DLEC1: variants seen among roughly 807,000 people sequenced by gnomAD.
DLEC1 encodes deleted in lung and esophageal cancer protein 1.
Under a neutral mutation model 198.1 loss-of-function variants are expected in DLEC1, and 146 were observed. The observed-to-expected ratio is 0.74, with a 90% CI of 0.64 to 0.85. DLEC1 has a LOEUF of 0.85. DLEC1 is among the 40% of genes least tolerant of loss of function. DLEC1 has a pLI of 0.00. For missense variants in DLEC1, 2,233 were observed against 2,220.0 expected (o/e 1.01, Z -0.12); for synonymous variants, 897 against 866.8 (o/e 1.03, Z -0.61).
At chr3:38,074,240 T>C (rs577461519) in intron 6 of DLEC1, among the ~76,000 whole-genome samples, 4 of 152,366 alleles carry the variant, frequency 2.6e-5, no homozygotes, top group Non-Finnish European at 4.4e-5. Context: ...AGGCAAGTAA[T>C]TGTAACTCAG....
At chr3:38,052,230 G>A in intron 2 of DLEC1, 1 of 471,000 alleles carries the variant, frequency 2.1e-6, no homozygotes, top group Non-Finnish European at 4.3e-6. Flanking sequence ...GCCATAGTGG[G>A]CAGTACCTGA....
At chr3:38,115,910 TG>T (rs1014518127) in intron 27 of DLEC1, among the ~76,000 whole-genome samples, 15 of 152,022 alleles carry the variant, frequency 9.9e-5, no homozygotes, top group Non-Finnish European at 1.8e-4. Flanking sequence ...TCTGTTCAGC[TG>T]GGGGACTTCC....
chr3:38,115,202 G>A (rs1700092322), intron 27 of DLEC1, 149 bp downstream of exon 27: 1 of 722,428 alleles, frequency 1.4e-6, no homozygotes, highest in Non-Finnish European at 2.3e-6. Flanking sequence ...GTGTGGATGG[G>A]CCCACAGATG....
At position 38,122,154 on chromosome 3, in the gene DLEC1, C is replaced by A. The variant is rs371022710; in HGVS notation, c.5104C>A (p.Pro1702Thr). The change falls in exon 36 of 37, where the codon CCC (proline) becomes ACC (threonine). Residue 1702 changes from proline (P) to threonine (T), a missense_variant. Coordinates refer to ENST00000308059, the MANE Select transcript of DLEC1 (RefSeq NM_007335.4). ...GCTAGAAGCACGATCCGCCAATGCA[C>A]CCCCAACCTCCATCGCCTTGCAGGT... ...GLLEARSANAPPTSIALQVFF... is the reference protein window; with the variant it reads ...GLLEARSANATPTSIALQVFF... The A allele has an allele frequency of 1.9e-6, 3 of 1,614,020 alleles. No individual in the cohort carries two copies. Among genetic ancestry groups the A allele is most frequent in the African/African-American group, 2.7e-5 (2 of 74,932 alleles).
chr3:38,065,199 G>A (rs974743064), intron 6 of DLEC1, among the ~76,000 whole-genome samples: 4 of 152,256 alleles, frequency 2.6e-5, no homozygotes, highest in African/African-American at 9.6e-5. Context: ...CCAGTCATGC[G>A]TGGCGGCGCA....
chr3:38,116,402 G>T (rs767814482), intron 27 of DLEC1, 51 bp from the exon 28 acceptor site: 9 of 1,600,294 alleles, frequency 5.6e-6, no homozygotes, highest in Middle Eastern at 1.7e-4. Context: ...GGCCCCGGGG[G>T]GTTGTCTGCT....
chr3:38,120,520 G>C lies in DLEC1; in HGVS notation c.4777G>C (p.Gly1593Arg). 1 of 1,614,256 alleles carries C rather than the reference G, an allele frequency of 6.2e-7. No homozygotes were observed. Among genetic ancestry groups the C allele is most frequent in the Non-Finnish European group, 8.5e-7 (1 of 1,180,040 alleles). The change falls in exon 34 of 37, where the codon GGG becomes CGG. Residue 1593 changes from glycine (G) to arginine (R), a missense_variant. Gly to Arg is a moderately radical substitution (Grantham distance 125). Transcript: ENST00000308059. ...QKLPADQTLP[G>R]VDIQQSASGE... ...GCTCCCAGCTGACCAGACACTGCCTGGGGTGGACATTCAGCAGAGTGCGAG... is the reference window on the plus strand; with the variant it reads ...GCTCCCAGCTGACCAGACACTGCCTCGGGTGGACATTCAGCAGAGTGCGAG...
At chr3:38,111,534 A>G in intron 23 of DLEC1, 143 bp from the exon 24 acceptor site, 1 of 712,534 alleles carries the variant, frequency 1.4e-6, no homozygotes, top group Non-Finnish European at 2.2e-6. Flanking sequence ...GAAAGAACTG[A>G]CCAGCTCTCC....
rs368003919 is a variant in DLEC1 at position 38,039,409 on chromosome 3, C to T, written c.184C>T (p.Arg62Trp). 18 of 1,613,806 alleles carry T rather than the reference C, an allele frequency of 1.1e-5. No individual in the cohort carries two copies. Among genetic ancestry groups the T allele is most frequent in the Non-Finnish European group, 1.5e-5 (18 of 1,179,874 alleles). ...GGCCTTCCACTACAGCTTCGCAGCC[C>T]GGCCCCGCCGCCTCACGCAGCTTGC... ...SEAFHYSFAA[R>W]PRRLTQLALA... Residue 62 changes from arginine (R) to tryptophan (W), a missense_variant, in exon 1 of 37, where the codon CGG becomes TGG. Physicochemically the swap from Arg to Trp is moderately radical, Grantham distance 101. Coordinates refer to ENST00000308059, the MANE Select transcript of DLEC1 (RefSeq NM_007335.4).
At chr3:38,079,446 G>A (rs1285607498) in intron 6 of DLEC1, among the ~76,000 whole-genome samples, 1 of 152,098 alleles carries the variant, frequency 6.6e-6, no homozygotes. Flanking sequence ...GATTAAGAAG[G>A]GGACAGACTT....
chr3:38,085,187 G>A (rs925804416), intron 7 of DLEC1, 87 bp from the exon 8 acceptor site: 4 of 1,423,390 alleles, frequency 2.8e-6, no homozygotes, highest in Non-Finnish European at 3.9e-6. Flanking sequence ...GCCAGCCCTG[G>A]CAGGGCTGGG....
intron 3 of DLEC1, among the ~76,000 whole-genome samples, chr3:38,060,784 T>G (rs1320276755): frequency 6.6e-6 from 1 of 152,016 alleles, no homozygotes; most frequent in East Asian, 1.9e-4. Flanking sequence ...AACCTCCATC[T>G]CCCAGGTTCA....
In DLEC1 at chr3:38,093,585, C is replaced by T. The variant is rs749733186; in HGVS notation, c.1757-20C>T. ...AGCCCTAGTGAGCCTTCACTGACTT[C>T]ACTTACTCTACTTTGGCAGGAATTG... On this transcript the variant is annotated intron_variant, in intron 11 of 36. Coordinates refer to ENST00000308059, the MANE Select transcript of DLEC1 (RefSeq NM_007335.4). 6 of 1,614,068 alleles carry T rather than the reference C, an allele frequency of 3.7e-6. No individual in the cohort carries two copies. Among genetic ancestry groups the T allele is most frequent in the Non-Finnish European group, 5.1e-6 (6 of 1,179,972 alleles).
intron 15 of DLEC1, 93 bp from the exon 16 acceptor site, chr3:38,097,089 C>T (rs1038124882): frequency 7.2e-6 from 9 of 1,257,894 alleles, no homozygotes; most frequent in Non-Finnish European, 8.9e-6. Context: ...CATATGGACT[C>T]TTTACGAGCC....
chr3:38,097,645 A>G lies in DLEC1; in HGVS notation c.2565+8A>G. 6.2e-7 allele frequency: 1 copy of G among 1,614,142 alleles called. No individual in the cohort carries two copies. Among genetic ancestry groups the G allele is most frequent in the Middle Eastern group, 1.7e-4 (1 of 6,060 alleles). ...ATTGAGGCTGTCTTTAAGGTGCTGC[A>G]GGTGGAGCTGGGCAGTGGGGTGGGC... On this transcript the variant is annotated splice_region_variant and intron_variant, in intron 17 of 36. Transcript: ENST00000308059.
chr3:38,041,787 G>A (rs1700665965), intron 1 of DLEC1, among the ~76,000 whole-genome samples: 1 of 145,888 alleles, frequency 6.9e-6, no homozygotes, highest in African/African-American at 2.6e-5. Context: ...GGCGGAGGTT[G>A]CAATGAGCCA....
intron 2 of DLEC1, among the ~76,000 whole-genome samples, chr3:38,057,570 G>A (rs1278103731): frequency 2.0e-5 from 3 of 152,194 alleles, no homozygotes; most frequent in African/African-American, 7.2e-5. Flanking sequence ...GAAAATTCAG[G>A]CGGAACACAT....
Position 38,097,888 on chromosome 3 carries a change from G to C in DLEC1, c.2710G>C (p.Glu904Gln). Residue 904 changes from glutamate (E) to glutamine (Q), a missense_variant, in exon 18 of 37, where the codon GAA becomes CAA. Glu to Gln is a conservative substitution (Grantham distance 29). Coordinates refer to ENST00000308059, the MANE Select transcript of DLEC1 (RefSeq NM_007335.4). ...RMKESPVSLQ[E>Q]RPEDVSPFDI... ...GAAGGAGAGCCCAGTCTCCCTCCAG[G>C]AAAGGCCTGAGGATGTAAGTCAGGC... The C allele has an allele frequency of 6.2e-7, 1 of 1,614,220 alleles. No individual in the cohort carries two copies. The highest frequency in any genetic ancestry group is 8.5e-7 in the Non-Finnish European group (1 of 1,180,042).
intron 7 of DLEC1, 100 bp downstream of exon 7, chr3:38,084,345 G>A (rs1299557714): frequency 1.1e-6 from 1 of 944,512 alleles, no homozygotes; most frequent in South Asian, 1.5e-5. Context: ...AGCAATGATA[G>A]TAGTAGTGGT....
Sources: gnomAD v4.1 joint callset for allele counts (sites outside exome capture counted in the v4.1 genomes callset) on GRCh38, gnomAD v4.1.1 for gene constraint, MANE v1.5 for transcripts, NCBI Gene and HGNC (gene_info 2026-07-23, HGNC 2026-07-21) for gene names.